The following MED13L variants were observed in gnomAD, a reference collection of about 807,000 sequenced individuals.
MED13L encodes mediator complex subunit 13L.
A neutral mutation model predicts 220.9 loss-of-function variants in MED13L; 7 were observed. That is an observed-to-expected ratio of 0.03 (90% confidence interval 0.02 to 0.06). The LOEUF is 0.06. MED13L is among the 10% of genes least tolerant of loss of function. The pLI is 1.00. For missense variants in MED13L, 1,965 were observed against 2,760.5 expected, an observed-to-expected ratio of 0.71 and a Z score of 6.46; for synonymous variants, 1,011 against 1,015.2, an observed-to-expected ratio of 1.00 and a Z score of 0.08.
intron 2 of MED13L, among the ~76,000 whole-genome samples, chr12:116,224,657 G>A (rs1868780432): frequency 6.6e-6 from 1 of 151,978 alleles, no homozygotes; most frequent in South Asian, 2.1e-4. Context: ...ACCGTTTGGG[G>A]TTTGTTGTTT....
chr12:116,179,107 T>C (rs555576210), intron 2 of MED13L, among the ~76,000 whole-genome samples: 2 of 152,250 alleles, frequency 1.3e-5, no homozygotes, highest in South Asian at 4.1e-4. Context: ...TTATTCAAAC[T>C]GGAAAGGTAC....
intron 2 of MED13L, among the ~76,000 whole-genome samples, chr12:116,197,780 A>AG (rs1881730974): frequency 4.0e-5 from 6 of 150,658 alleles, no homozygotes. Context: ...AAAGAAAAAA[A>AG]GGAAAAAAAA....
At chr12:116,058,444 C>G (rs1220052564) in intron 4 of MED13L, among the ~76,000 whole-genome samples, 2 of 152,090 alleles carry the variant, frequency 1.3e-5, no homozygotes, top group Non-Finnish European at 2.9e-5. Flanking sequence ...TGTATACATA[C>G]ATAAATTAAA....
chr12:116,261,660 C>T (rs1450245896), intron 1 of MED13L, among the ~76,000 whole-genome samples: 2 of 152,134 alleles, frequency 1.3e-5, no homozygotes, highest in Non-Finnish European at 2.9e-5. Flanking sequence ...GTGATCAAAG[C>T]TTAAGTCTAC....
Position 115,960,652 on chromosome 12 carries a change from C to A in MED13L, c.*614G>T, listed in dbSNP as rs896699425. The A allele has an allele frequency of 6.3e-6, 1 of 158,048 alleles. No homozygotes were observed. The highest frequency in any genetic ancestry group is 1.4e-5 in the Non-Finnish European group (1 of 70,922). The allele number at this position is 158,048 out of a possible 1,614,324, so 9.8% of individuals were successfully genotyped here. On this transcript the variant is annotated 3_prime_UTR_variant, in exon 31 of 31. Coordinates refer to ENST00000281928, the MANE Select transcript of MED13L (RefSeq NM_015335.5). The stretch of plus-strand genomic sequence containing the variant: ...AAGTCACAAAAACCATATGACAAAA[C>A]AAATTAAAATAAATAAACAAAATGA...
intron 2 of MED13L, among the ~76,000 whole-genome samples, chr12:116,192,739 C>G (rs921411322): frequency 1.3e-5 from 2 of 152,154 alleles, no homozygotes; most frequent in African/African-American, 4.8e-5. Flanking sequence ...ATAATCCCAG[C>G]ACTTTGGGAG....
At chr12:116,233,138 G>A (rs1280268789) in intron 2 of MED13L, among the ~76,000 whole-genome samples, 2 of 150,648 alleles carry the variant, frequency 1.3e-5, no homozygotes, top group African/African-American at 2.4e-5. Context: ...GGTAGATTAG[G>A]AGAAGTCCAC....
At chr12:116,029,260 G>C (rs1254049951) in intron 4 of MED13L, among the ~76,000 whole-genome samples, 2 of 150,990 alleles carry the variant, frequency 1.3e-5, no homozygotes, top group Non-Finnish European at 3.0e-5. Flanking sequence ...AAAAAAAAGG[G>C]GGGGGAGGGA....
chr12:116,020,110 T>C, intron 5 of MED13L, 138 bp from the exon 6 acceptor site: 1 of 834,168 alleles, frequency 1.2e-6, no homozygotes, highest in Non-Finnish European at 1.9e-6. Context: ...CTATTTAAAG[T>C]ATGATTTAAA....
rs149903575 is a variant in MED13L at position 116,164,365 on chromosome 12, G to T, written c.311-52853C>A. On this transcript the variant is annotated intron_variant, in intron 2 of 30. Transcript: ENST00000281928. ...ATTCAACTTCCTCAACCAAAATCTT[G>T]TAAGTATGAAAGAAAAAAACCAACA... 2.5e-3 allele frequency among the ~76,000 whole-genome samples: 386 copies of T among 152,118 alleles called. 1 individual carries two copies. The highest frequency in any genetic ancestry group is 7.0e-3 in the African/African-American group (291 of 41,468).
At chr12:116,120,872 T>C (rs569737943) in intron 2 of MED13L, among the ~76,000 whole-genome samples, 1 of 152,268 alleles carries the variant, frequency 6.6e-6, no homozygotes, top group South Asian at 2.1e-4. Flanking sequence ...AGAATTTTCC[T>C]AAAATTTTGT....
At chr12:115,986,999 A>G in intron 18 of MED13L, 110 bp downstream of exon 18, 4 of 1,138,410 alleles carry the variant, frequency 3.5e-6, no homozygotes, top group Non-Finnish European at 5.1e-6. Flanking sequence ...GGTCAAAGAA[A>G]AAGACTCCCC....
intron 4 of MED13L, among the ~76,000 whole-genome samples, chr12:116,029,253 A>T: frequency 6.6e-6 from 1 of 151,348 alleles, no homozygotes; most frequent in East Asian, 1.9e-4. Context: ...CTGAAAAAAA[A>T]AAAAGGGGGG....
intron 4 of MED13L, among the ~76,000 whole-genome samples, chr12:116,034,732 A>C (rs1480641996): frequency 6.6e-6 from 1 of 152,150 alleles, no homozygotes; most frequent in African/African-American, 2.4e-5. Context: ...AGAGAAACTC[A>C]GGCTGGGTCA....
At chr12:116,076,160 G>T (rs967959693) in intron 4 of MED13L, among the ~76,000 whole-genome samples, 1 of 152,022 alleles carries the variant, frequency 6.6e-6, no homozygotes, top group Non-Finnish European at 1.5e-5. Context: ...TGATCCGCCC[G>T]CCTCGGCCTC....
intron 25 of MED13L, chr12:115,972,552 G>T: frequency 5.4e-6 from 2 of 373,132 alleles, no homozygotes; most frequent in South Asian, 2.2e-5. Flanking sequence ...CATGATGACA[G>T]CAGTGTTAGC....
At chr12:116,235,565 T>G (rs370701229) in intron 2 of MED13L, among the ~76,000 whole-genome samples, 1 of 152,172 alleles carries the variant, frequency 6.6e-6, no homozygotes, top group East Asian at 1.9e-4. Context: ...AGTGTTTCTG[T>G]AATTTTAAAA....
In MED13L at chr12:116,006,103, A is replaced by G. The variant is rs532910466; in HGVS notation, c.2345-110T>C. The G allele has an allele frequency of 2.4e-5, 35 of 1,487,640 alleles. No homozygotes were observed. The East Asian group carries it at 7.7e-4, about 33-fold the overall frequency. The allele number at this position is 1,487,640 out of a possible 1,614,324, so 92.2% of individuals were successfully genotyped here. ...ATGACCTGCCTGTGAGTTTTTCCCT[A>G]TGGTTTTAGTTAAATTTAGAGACAA... On this transcript the variant is annotated intron_variant, in intron 12 of 30. Transcript: ENST00000281928.
intron 4 of MED13L, among the ~76,000 whole-genome samples, chr12:116,065,239 T>C (rs1869831860): frequency 6.6e-6 from 1 of 152,168 alleles, no homozygotes; most frequent in Non-Finnish European, 1.5e-5. Flanking sequence ...CATAGTAGGC[T>C]GAAGTGTCAT....
Sources: gnomAD v4.1 joint callset for allele counts (sites outside exome capture counted in the v4.1 genomes callset) on GRCh38, gnomAD v4.1.1 for gene constraint, MANE v1.5 for transcripts, NCBI Gene and HGNC (gene_info 2026-07-23, HGNC 2026-07-21) for gene names.